The following SLC33A2 variants were observed in gnomAD, a reference collection of about 807,000 sequenced individuals.
SLC33A2 encodes solute carrier family 33 member 2, also known as major facilitator superfamily domain containing 3.
the SLC33A2 span, chr8:144,510,656 C>CA: frequency 1.3e-6 from 2 of 1,560,344 alleles, no homozygotes; most frequent in Non-Finnish European, 1.7e-6. Flanking sequence ...CCTAGCCTGT[C>CA]AGACTGCCTT....
At chr8:144,509,660 C>T in the SLC33A2 span, 3 of 1,550,958 alleles carry the variant, frequency 1.9e-6, no homozygotes, top group South Asian at 1.2e-5. Flanking sequence ...TGTTGTTGAA[C>T]CTGGGTGCCG....
chr8:144,510,239 C>T, the SLC33A2 span: 16 of 1,472,714 alleles, frequency 1.1e-5, no homozygotes, highest in Middle Eastern at 7.3e-4. Flanking sequence ...CACTTCTCCC[C>T]CAGTATCTGC....
At chr8:144,511,175 T>C in the SLC33A2 span, 1 of 1,606,464 alleles carries the variant, frequency 6.2e-7, no homozygotes. Context: ...GCTGAGTGGC[T>C]GGAGTGGTCA....
chr8:144,509,673 A>G, the SLC33A2 span: 1 of 1,556,292 alleles, frequency 6.4e-7, no homozygotes, highest in Non-Finnish European at 8.7e-7. Flanking sequence ...GGGTGCCGCC[A>G]TGCAGGATGT....
At chr8:144,509,871 C>T in the SLC33A2 span, 8 of 1,541,070 alleles carry the variant, frequency 5.2e-6, no homozygotes, top group East Asian at 2.4e-5. Flanking sequence ...GGCCGCGGCC[C>T]TGGCCTGGGC....
At chr8:144,510,152 G>A in the SLC33A2 span, 13 of 1,296,932 alleles carry the variant, frequency 1.0e-5, no homozygotes, top group African/African-American at 8.8e-5. Flanking sequence ...CCTGACATCC[G>A]GGGCTCTGCA....
chr8:144,511,210 C>T, the SLC33A2 span: 1 of 1,586,100 alleles, frequency 6.3e-7, no homozygotes, highest in South Asian at 1.1e-5. Context: ...GCCTGTGGCC[C>T]AGATGTCTCT....
the SLC33A2 span, chr8:144,509,290 A>G: frequency 7.0e-7 from 1 of 1,422,904 alleles, no homozygotes; most frequent in Non-Finnish European, 9.1e-7. Flanking sequence ...GCGGGACCCC[A>G]CCTGGAACCC....
chr8:144,510,004 C>T, the SLC33A2 span: 2 of 1,595,280 alleles, frequency 1.3e-6, no homozygotes, highest in Non-Finnish European at 1.7e-6. Context: ...TTTGTGCTCA[C>T]CTACAAGCTG....
At chr8:144,511,166 C>A in the SLC33A2 span, 1 of 1,608,314 alleles carries the variant, frequency 6.2e-7, no homozygotes, top group Non-Finnish European at 8.5e-7. Flanking sequence ...TTTCTCTGAG[C>A]TGAGTGGCTG....
the SLC33A2 span, chr8:144,510,659 A>ACTGC: frequency 6.4e-7 from 1 of 1,559,582 alleles, no homozygotes; most frequent in South Asian, 1.2e-5. Context: ...AGCCTGTCAG[A>ACTGC]CTGCCTTGGT....
chr8:144,509,463 A>G, the SLC33A2 span: 14 of 1,536,024 alleles, frequency 9.1e-6, no homozygotes, highest in Admixed American at 5.8e-5. Flanking sequence ...GGGGCTGGCC[A>G]AGGTTCTGTA....
chr8:144,509,932 C>A, the SLC33A2 span: 1 of 1,585,480 alleles, frequency 6.3e-7, no homozygotes, highest in African/African-American at 1.3e-5. Flanking sequence ...GAGCAGCGTC[C>A]CCACACCGCG....
the SLC33A2 span, chr8:144,509,520 C>T: frequency 1.3e-6 from 2 of 1,528,200 alleles, no homozygotes; most frequent in Admixed American, 2.0e-5. Flanking sequence ...GGTGGACGCG[C>T]AGGGCTCGGC....
At chr8:144,510,582 C>A in the SLC33A2 span, 1 of 1,592,156 alleles carries the variant, frequency 6.3e-7, no homozygotes, top group Non-Finnish European at 8.6e-7. Flanking sequence ...TGACCCATTT[C>A]CCACCCCCAT....
At chr8:144,510,204 C>A in the SLC33A2 span, 1 of 1,319,918 alleles carries the variant, frequency 7.6e-7, no homozygotes, top group African/African-American at 1.5e-5. Context: ...CTAGCCCCAT[C>A]CCTGAGCGCT....
At chr8:144,509,706 C>T in the SLC33A2 span, 2 of 1,567,118 alleles carry the variant, frequency 1.3e-6, no homozygotes. Context: ...GCTGGCTGTG[C>T]AGCTGCTGGA....
chr8:144,509,641 G>T, the SLC33A2 span: 2 of 1,547,074 alleles, frequency 1.3e-6, no homozygotes, highest in Non-Finnish European at 8.7e-7. Context: ...GCTGTGGCGG[G>T]GTTGCTGCTG....
At chr8:144,510,539 A>C in the SLC33A2 span, 1 of 1,611,062 alleles carries the variant, frequency 6.2e-7, no homozygotes, top group Non-Finnish European at 8.5e-7. Context: ...CTGCCCACCC[A>C]CTTGTACCTG....
Sources: allele counts gnomAD v4.1 joint callset, GRCh38; gene constraint gnomAD v4.1.1; transcripts MANE v1.5; gene names NCBI Gene and HGNC (gene_info 2026-07-23, HGNC 2026-07-21).